POLA1: variants seen among roughly 807,000 people sequenced by gnomAD.
POLA1 encodes the protein DNA polymerase alpha catalytic subunit.
A neutral mutation model predicts 124.0 loss-of-function variants in POLA1; 15 were observed. The observed-to-expected ratio is 0.12, with a 90% CI of 0.08 to 0.19. The LOEUF (loss-of-function observed/expected upper bound fraction) is 0.19. Ranked by LOEUF, POLA1 falls within the 10% of genes least tolerant of loss-of-function variation. The pLI, the probability that POLA1 is intolerant of heterozygous loss-of-function variation, is 1.00. For missense variants in POLA1, 886 were observed against 1,103.4 expected, an observed-to-expected ratio of 0.80 and a Z score of 2.79; for synonymous variants, 408 against 389.4, an observed-to-expected ratio of 1.05 and a Z score of -0.56.
chrX:24,805,438 C>T (rs999257509), intron 26 of POLA1, among the ~76,000 whole-genome samples: 3 of 111,194 alleles, frequency 2.7e-5, no homozygotes, highest in Non-Finnish European at 5.6e-5. Context: ...ACTCGACTTG[C>T]GTAGGAATTT....
intron 26 of POLA1, among the ~76,000 whole-genome samples, chrX:24,761,568 G>T: frequency 9.0e-6 from 1 of 111,519 alleles, no homozygotes; most frequent in African/African-American, 3.3e-5. Flanking sequence ...ACATTTCTGA[G>T]CCCTGACCAA....
intron 34 of POLA1, among the ~76,000 whole-genome samples, chrX:24,858,712 G>A (rs1390427198): frequency 8.9e-6 from 1 of 112,092 alleles, no homozygotes. Flanking sequence ...CAGTTCCTGT[G>A]GGAACTTTGA....
At chrX:24,930,667 G>A (rs755884191) in intron 36 of POLA1, 118 bp downstream of exon 36, 2 of 511,922 alleles carry the variant, frequency 3.9e-6, no homozygotes, top group South Asian at 2.9e-5. Context: ...GAAGCAGGCC[G>A]TGGGGGCCTA....
intron 18 of POLA1, among the ~76,000 whole-genome samples, chrX:24,736,086 C>T (rs1347277752): frequency 2.7e-5 from 3 of 111,295 alleles, no homozygotes; most frequent in African/African-American, 9.8e-5. Context: ...GGAATTCCTT[C>T]ATTTGTCTTT....
chrX:24,956,942 T>A (rs994067363), intron 36 of POLA1, among the ~76,000 whole-genome samples: 1 of 111,450 alleles, frequency 9.0e-6, no homozygotes. Context: ...ATAGTACTGA[T>A]GAGTTTGTGG....
chrX:24,730,021 C>T (rs1354630871), intron 15 of POLA1, among the ~76,000 whole-genome samples: 1 of 110,127 alleles, frequency 9.1e-6, no homozygotes, highest in Non-Finnish European at 1.9e-5. Context: ...GGTCTTGAAC[C>T]CCTGACCTCA....
At chrX:24,968,365 T>G (rs1446754149) in intron 36 of POLA1, among the ~76,000 whole-genome samples, 1 of 111,278 alleles carries the variant, frequency 9.0e-6, no homozygotes, top group Non-Finnish European at 1.9e-5. Context: ...AAAGGTTAAG[T>G]GATACATTTA....
At chrX:24,710,664 G>GTT (rs1191270484) in intron 4 of POLA1, among the ~76,000 whole-genome samples, 48 of 86,623 alleles carry the variant, frequency 5.5e-4, no homozygotes, top group Non-Finnish European at 8.2e-4. Flanking sequence ...ATATGTTGTG[G>GTT]TTTTTTTTTT....
chrX:24,843,007 T>G (rs189308255), intron 33 of POLA1, among the ~76,000 whole-genome samples: 6 of 111,907 alleles, frequency 5.4e-5, no homozygotes, highest in Admixed American at 3.8e-4. Context: ...ATACACTTCA[T>G]TTTTTGGAAA....
At chrX:24,859,747 A>T (rs1195027609) in intron 34 of POLA1, among the ~76,000 whole-genome samples, 1 of 112,413 alleles carries the variant, frequency 8.9e-6, no homozygotes, top group African/African-American at 3.2e-5. Flanking sequence ...GGATTTGCTT[A>T]TTTGAGCAAG....
rs749255466 is a variant in POLA1, at chrX:24,814,957, G to GTTTTTTTT, written c.3297-12_3297-5dup. 43 of 857,353 alleles carry GTTTTTTTT rather than the reference G, an allele frequency of 5.0e-5. 1 individual carries two copies. Among genetic ancestry groups the GTTTTTTTT allele is most frequent in the East Asian group, 1.7e-4 (4 of 23,861 alleles). The allele number at this position is 857,353 out of a possible 1,213,427, so 70.7% of individuals were successfully genotyped here. ...AAAAATCAACTGCTGTCTTTGTTTT[G>GTTTTTTTT]TTTTTTTTTTTTTTTTTGCAGCTTT... On this transcript the variant is annotated intron_variant, in intron 29 of 36. Transcript: ENST00000379068.
rs780992739 is a variant in POLA1, at chrX:24,742,043, C to A, written c.2388C>A (p.Phe796Leu). The change falls in exon 22 of 37, where the codon TTC becomes TTA. Residue 796 changes from phenylalanine (F) to leucine (L), a missense_variant. Phe to Leu is a conservative substitution (Grantham distance 22). Transcript: ENST00000379068. Reference protein sequence around the residue: ...LMGGRSERNEFLLLHAFYENN... With the variant: ...LMGGRSERNELLLLHAFYENN... ...GTGGACGATCCGAGCGTAACGAGTT[C>A]TTGTTGCTTCATGCATTTTACGAAA... The A allele has an allele frequency of 8.3e-7, 1 of 1,200,758 alleles. No individual in the cohort carries two copies. Among genetic ancestry groups the A allele is most frequent in the Non-Finnish European group, 1.1e-6 (1 of 887,235 alleles).
intron 36 of POLA1, among the ~76,000 whole-genome samples, chrX:24,968,426 G>T (rs182368069): frequency 1.8e-5 from 2 of 111,834 alleles, no homozygotes; most frequent in South Asian, 3.7e-4. Flanking sequence ...CAGGCCGGGC[G>T]CAGTGGCTCA....
At chrX:24,698,047 T>G (rs1928142052) in intron 1 of POLA1, among the ~76,000 whole-genome samples, 1 of 109,895 alleles carries the variant, frequency 9.1e-6, no homozygotes, top group African/African-American at 3.3e-5. Flanking sequence ...GTTTAAGGGA[T>G]TCTCCTGCCT....
At chrX:24,977,726 A>G (rs1201838900) in intron 36 of POLA1, among the ~76,000 whole-genome samples, 1 of 112,207 alleles carries the variant, frequency 8.9e-6, no homozygotes, top group African/African-American at 3.2e-5. Context: ...TGATCTGTCA[A>G]TAACTTGAGA....
chrX:24,975,269 C>T (rs2048353102), intron 36 of POLA1, among the ~76,000 whole-genome samples: 1 of 112,579 alleles, frequency 8.9e-6, no homozygotes, highest in Non-Finnish European at 1.9e-5. Context: ...CTTGGCCTCC[C>T]AAAGTGCTGG....
intron 34 of POLA1, among the ~76,000 whole-genome samples, chrX:24,846,369 T>C (rs1024215564): frequency 4.5e-5 from 5 of 111,609 alleles, no homozygotes; most frequent in African/African-American, 6.5e-5. Flanking sequence ...TTAATTTCTT[T>C]AGGAAGAAGA....
intron 26 of POLA1, chrX:24,788,545 A>G: frequency 8.4e-7 from 1 of 1,194,552 alleles, no homozygotes; most frequent in East Asian, 3.0e-5. Flanking sequence ...GAACTAGTTT[A>G]GATGAGCCCC....
intron 35 of POLA1, among the ~76,000 whole-genome samples, chrX:24,920,496 C>G (rs2047601235): frequency 9.0e-6 from 1 of 111,474 alleles, no homozygotes; most frequent in South Asian, 3.8e-4. Context: ...GCAAGTATGT[C>G]AGATTGAAAA....
Sources: allele counts gnomAD v4.1 joint callset (sites outside exome capture counted in the v4.1 genomes callset), GRCh38; gene constraint gnomAD v4.1.1; transcripts MANE v1.5; gene names NCBI Gene and HGNC (gene_info 2026-07-23, HGNC 2026-07-21).